SH3RF3: variants seen among roughly 807,000 people sequenced by gnomAD.
The protein encoded by SH3RF3 is SH3 domain containing ring finger 3.
Under a neutral mutation model 66.3 loss-of-function variants are expected in SH3RF3, and 29 were observed. The observed-to-expected ratio is 0.44, with a 90% CI of 0.33 to 0.60. The LOEUF is 0.60. SH3RF3 is among the 20% of genes least tolerant of loss of function. The pLI, the probability that SH3RF3 is intolerant of heterozygous loss-of-function variation, is 0.04. For missense variants in SH3RF3, 1,194 were observed against 1,190.9 expected (o/e 1.00, Z -0.04); for synonymous variants, 583 against 532.0 (o/e 1.10, Z -1.32).
chr2:109,326,894 G>C (rs993200273), intron 1 of SH3RF3, among the ~76,000 whole-genome samples: 51 of 152,316 alleles, frequency 3.3e-4, no homozygotes, highest in African/African-American at 1.2e-3. Flanking sequence ...GAGAGCAGGG[G>C]CTCACACCTG....
At chr2:109,156,268 A>G (rs754237434) in intron 1 of SH3RF3, among the ~76,000 whole-genome samples, 2 of 152,226 alleles carry the variant, frequency 1.3e-5, no homozygotes, top group Non-Finnish European at 2.9e-5. Flanking sequence ...TCCAACCACC[A>G]GAGATCGAGT....
chr2:109,363,752 G>T (rs1240230757), intron 2 of SH3RF3, among the ~76,000 whole-genome samples: 3 of 152,036 alleles, frequency 2.0e-5, no homozygotes, highest in Non-Finnish European at 2.9e-5. Flanking sequence ...AGGTTGGTAG[G>T]TTTTTTCTGT....
At chr2:109,430,654 T>C (rs1677182913) in intron 5 of SH3RF3, among the ~76,000 whole-genome samples, 1 of 152,220 alleles carries the variant, frequency 6.6e-6, no homozygotes, top group South Asian at 2.1e-4. Flanking sequence ...TTCACTGGAC[T>C]TTTCCCTTAG....
intron 1 of SH3RF3, among the ~76,000 whole-genome samples, chr2:109,269,399 A>G (rs560188198): frequency 4.6e-4 from 70 of 152,304 alleles, no homozygotes; most frequent in African/African-American, 1.7e-3. Context: ...GTGCTTCTCC[A>G]TGGCTCTGCT....
chr2:109,190,249 C>T (rs1052081547), intron 1 of SH3RF3, among the ~76,000 whole-genome samples: 3 of 152,162 alleles, frequency 2.0e-5, no homozygotes, highest in Admixed American at 2.0e-4. Context: ...TCTTGGCCCA[C>T]TGCAACCTCC....
intron 1 of SH3RF3, among the ~76,000 whole-genome samples, chr2:109,207,206 G>A (rs1678861224): frequency 6.6e-6 from 1 of 152,156 alleles, no homozygotes; most frequent in Non-Finnish European, 1.5e-5. Flanking sequence ...GTGCAAACAG[G>A]TCTGTTTACA....
At chr2:109,371,057 C>A (rs1683261053) in intron 2 of SH3RF3, among the ~76,000 whole-genome samples, 1 of 152,186 alleles carries the variant, frequency 6.6e-6, no homozygotes, top group Admixed American at 6.5e-5. Context: ...GCCAGGCTTT[C>A]CCATATGGGG....
At chr2:109,303,791 G>A (rs1681528829) in intron 1 of SH3RF3, among the ~76,000 whole-genome samples, 1 of 152,200 alleles carries the variant, frequency 6.6e-6, no homozygotes, top group Non-Finnish European at 1.5e-5. Context: ...GAGTCTGGGG[G>A]TGAGTCTGTG....
intron 1 of SH3RF3, among the ~76,000 whole-genome samples, chr2:109,303,860 G>T (rs911396950): frequency 2.0e-5 from 3 of 152,030 alleles, no homozygotes; most frequent in Non-Finnish European, 4.4e-5. Context: ...GTTGTGCATC[G>T]CCTCCTGCCT....
At chr2:109,135,792 G>C (rs958312423) in intron 1 of SH3RF3, among the ~76,000 whole-genome samples, 11 of 152,126 alleles carry the variant, frequency 7.2e-5, no homozygotes, top group Non-Finnish European at 5.9e-5. Context: ...GCTTGAGTCT[G>C]TTGGTTTCCT....
At chr2:109,483,790 G>A (rs1678894378) in intron 8 of SH3RF3, among the ~76,000 whole-genome samples, 1 of 152,130 alleles carries the variant, frequency 6.6e-6, no homozygotes, top group East Asian at 1.9e-4. Context: ...TCCCCAGGCT[G>A]CAGGCGCTGG....
intron 1 of SH3RF3, among the ~76,000 whole-genome samples, chr2:109,238,116 C>A (rs1197863261): frequency 6.6e-6 from 1 of 152,158 alleles, no homozygotes; most frequent in Non-Finnish European, 1.5e-5. Flanking sequence ...AGGAGCATTT[C>A]TTGAGCCTTG....
In SH3RF3 at chr2:109,133,149, C is replaced by T. The variant is rs753098997; in HGVS notation, c.573+3036C>T. Among the ~76,000 whole-genome samples the T allele has an allele frequency of 3.9e-5, 6 of 152,246 alleles. No homozygotes were observed. The South Asian group carries it at 6.2e-4, about 16-fold the overall frequency. ...TCAGAAGGTACCCGTGGGCACTGACCGGTGTCACTCCAGAATTCTGTGAGG... is the reference window on the plus strand; with the variant it reads ...TCAGAAGGTACCCGTGGGCACTGACTGGTGTCACTCCAGAATTCTGTGAGG... On this transcript the variant is annotated intron_variant, in intron 1 of 9. Transcript: ENST00000309415.
intron 1 of SH3RF3, among the ~76,000 whole-genome samples, chr2:109,315,387 C>T (rs11892248): frequency 0.31 from 47,501 of 152,140 alleles, 9,191 homozygotes; most frequent in African/African-American, 0.55. Flanking sequence ...ATTAGTGATT[C>T]AAAACAAAGT....
intron 1 of SH3RF3, among the ~76,000 whole-genome samples, chr2:109,339,592 G>A (rs1574582934): frequency 6.6e-6 from 1 of 152,318 alleles, no homozygotes; most frequent in South Asian, 2.1e-4. Context: ...GGGTGCCTGG[G>A]TGGGGCTGCA....
intron 1 of SH3RF3, among the ~76,000 whole-genome samples, chr2:109,218,151 T>C (rs373014049): frequency 1.7e-5 from 2 of 116,918 alleles, no homozygotes; most frequent in African/African-American, 9.0e-5. Context: ...TTTTCTGTTC[T>C]ATTAAAAAAA....
chr2:109,231,173 C>T (rs1317111485), intron 1 of SH3RF3, among the ~76,000 whole-genome samples: 2 of 152,242 alleles, frequency 1.3e-5, no homozygotes, highest in African/African-American at 2.4e-5. Context: ...CAGGCCAGAG[C>T]GGCTTTGCCG....
chr2:109,479,403 T>C (rs1167238263), intron 8 of SH3RF3, among the ~76,000 whole-genome samples: 1 of 152,206 alleles, frequency 6.6e-6, no homozygotes, highest in Non-Finnish European at 1.5e-5. Context: ...CACTTTTAGC[T>C]CTGTGACCTA....
intron 7 of SH3RF3, among the ~76,000 whole-genome samples, chr2:109,444,331 C>T (rs1180089654): frequency 6.6e-6 from 1 of 152,196 alleles, no homozygotes; most frequent in African/African-American, 2.4e-5. Flanking sequence ...AAAGTCAACT[C>T]TGTGGGTCTA....
Sources: allele counts gnomAD v4.1 joint callset (sites outside exome capture counted in the v4.1 genomes callset), GRCh38; gene constraint gnomAD v4.1.1; transcripts MANE v1.5; gene names NCBI Gene and HGNC (gene_info 2026-07-23, HGNC 2026-07-21).